The following PTPRD variants were observed in gnomAD, a reference collection of about 807,000 sequenced individuals.
PTPRD encodes protein tyrosine phosphatase receptor type D.
A neutral mutation model predicts 214.5 loss-of-function variants in PTPRD; 34 were observed. The observed-to-expected ratio is 0.16, with a 90% CI of 0.12 to 0.21. PTPRD has a LOEUF of 0.21. Ranked by LOEUF, PTPRD falls within the 10% of genes least tolerant of loss-of-function variation. The probability of loss-of-function intolerance (pLI) is 1.00; values close to 1 mark genes in which losing one functional copy is unlikely to be tolerated. For synonymous variants in PTPRD, 1,128 were observed against 845.7 expected, an observed-to-expected ratio of 1.33 and a Z score of -5.79; for missense variants, 2,545 against 2,398.7, an observed-to-expected ratio of 1.06 and a Z score of -1.27.
At chr9:10,179,800 C>A (rs1035334095) in intron 3 of PTPRD, among the ~76,000 whole-genome samples, 3 of 152,030 alleles carry the variant, frequency 2.0e-5, no homozygotes, top group Admixed American at 6.6e-5. Context: ...GGCTAAACAG[C>A]CTACCCTCTT....
Position 9,140,101 on chromosome 9 carries a change from G to A in PTPRD, c.-143+43203C>T, listed in dbSNP as rs745521357. Among the ~76,000 whole-genome samples, 57 of 151,098 alleles carry A rather than the reference G, an allele frequency of 3.8e-4. 1 individual carries two copies. The highest frequency in any genetic ancestry group is 6.9e-4 in the Non-Finnish European group (47 of 67,872). The stretch of plus-strand genomic sequence containing the variant: ...ATGAGCAGTTTGTAAGACTGAAGAA[G>A]AGTCTAACATTTCTGGAATGAAGTT... On this transcript the variant is annotated intron_variant, in intron 10 of 45. Coordinates refer to ENST00000381196, the MANE Select transcript of PTPRD (RefSeq NM_002839.4).
intron 23 of PTPRD, among the ~76,000 whole-genome samples, chr9:8,503,793 C>G (rs564389550): frequency 1.3e-5 from 2 of 152,266 alleles, no homozygotes; most frequent in East Asian, 3.9e-4. Context: ...CTGAGCTTTT[C>G]TTAGTAGAAA....
At chr9:9,353,367 C>A (rs757048294) in intron 9 of PTPRD, among the ~76,000 whole-genome samples, 1 of 151,750 alleles carries the variant, frequency 6.6e-6, no homozygotes, top group Non-Finnish European at 1.5e-5. Flanking sequence ...AATTTTATAA[C>A]AGGAATAAAT....
intron 2 of PTPRD, among the ~76,000 whole-genome samples, chr9:10,344,236 T>C (rs866809484): frequency 1.8e-4 from 27 of 152,162 alleles, no homozygotes; most frequent in South Asian, 8.3e-4. Flanking sequence ...CAGTTTCATC[T>C]TTCTACATAT....
intron 39 of PTPRD, among the ~76,000 whole-genome samples, chr9:8,346,122 C>T (rs1857377071): frequency 6.6e-6 from 1 of 152,066 alleles, no homozygotes; most frequent in Admixed American, 6.6e-5. Context: ...CTCCTTGACA[C>T]TCAGGTTTAA....
Position 9,161,165 on chromosome 9 carries a change from G to A in PTPRD, c.-143+22139C>T, listed in dbSNP as rs112310954. Among the ~76,000 whole-genome samples, 280 of 152,160 alleles carry A rather than the reference G, an allele frequency of 1.8e-3. 1 individual carries two copies. Among genetic ancestry groups the A allele is most frequent in the African/African-American group, 6.3e-3 (263 of 41,518 alleles). On this transcript the variant is annotated intron_variant, in intron 10 of 45. Coordinates refer to ENST00000381196, the MANE Select transcript of PTPRD (RefSeq NM_002839.4). ...TGACTATAGTCAATCATGATGTATT[G>A]TATATTTCAGAATAAGTAAATTTCA...
At chr9:9,574,169 T>G (rs968083167) in intron 8 of PTPRD, among the ~76,000 whole-genome samples, 1 of 151,920 alleles carries the variant, frequency 6.6e-6, no homozygotes, top group African/African-American at 2.4e-5. Flanking sequence ...ATAATCCAGA[T>G]TCACATTTTT....
intron 39 of PTPRD, among the ~76,000 whole-genome samples, chr9:8,364,604 C>T (rs2079323564): frequency 6.6e-6 from 1 of 152,144 alleles, no homozygotes; most frequent in Non-Finnish European, 1.5e-5. Flanking sequence ...AGAGCAGGGC[C>T]TGCCAAGACA....
At chr9:9,742,210 A>C (rs1213351204) in intron 6 of PTPRD, among the ~76,000 whole-genome samples, 1 of 152,164 alleles carries the variant, frequency 6.6e-6, no homozygotes, top group Non-Finnish European at 1.5e-5. Flanking sequence ...TCTTTTGAGA[A>C]GTGTCTGTTC....
rs563245739 is a variant in PTPRD at position 9,690,016 on chromosome 9, T to A, written c.-287+44517A>T. On this transcript the variant is annotated intron_variant, in intron 7 of 45. Transcript: ENST00000381196. ...GATGTATATCCAGTTATCGGCTCCA[T>A]ATACTGGGTTATATAGCAGTTCTAT... Among the ~76,000 whole-genome samples, 6 of 151,964 alleles carry A rather than the reference T, an allele frequency of 3.9e-5. No homozygotes were observed. The East Asian group carries it at 1.2e-3, about 29-fold the overall frequency.
intron 5 of PTPRD, among the ~76,000 whole-genome samples, chr9:9,897,425 A>T (rs1239440515): frequency 6.6e-6 from 1 of 152,100 alleles, no homozygotes; most frequent in Non-Finnish European, 1.5e-5. Flanking sequence ...TACATATTTG[A>T]GGGAAAGTTG....
At chr9:10,593,213 G>GA (rs1216759375) in intron 2 of PTPRD, among the ~76,000 whole-genome samples, 2 of 151,956 alleles carry the variant, frequency 1.3e-5, no homozygotes, top group African/African-American at 4.8e-5. Context: ...AACACCTGGG[G>GA]ATCTTGTTAA....
At chr9:9,481,858 G>T (rs1398103307) in intron 8 of PTPRD, among the ~76,000 whole-genome samples, 1 of 152,094 alleles carries the variant, frequency 6.6e-6, no homozygotes, top group Non-Finnish European at 1.5e-5. Flanking sequence ...GTTATCTAAA[G>T]AAATACTTTT....
At chr9:8,401,810 C>G (rs919998850) in intron 36 of PTPRD, among the ~76,000 whole-genome samples, 1 of 152,112 alleles carries the variant, frequency 6.6e-6, no homozygotes, top group African/African-American at 2.4e-5. Flanking sequence ...TAAGGAGTAA[C>G]TAGCACCACT....
At chr9:9,696,273 C>T (rs975211515) in intron 7 of PTPRD, among the ~76,000 whole-genome samples, 6 of 152,110 alleles carry the variant, frequency 3.9e-5, no homozygotes, top group Non-Finnish European at 8.8e-5. Context: ...AATGTGTATT[C>T]TGCAGCAATT....
intron 3 of PTPRD, among the ~76,000 whole-genome samples, chr9:10,179,630 T>C (rs1291235119): frequency 6.6e-6 from 1 of 152,088 alleles, no homozygotes; most frequent in Non-Finnish European, 1.5e-5. Context: ...TATAGGTTTA[T>C]TGCATGCAAT....
chr9:9,209,493 GTTAA>G (rs988394169), intron 9 of PTPRD, among the ~76,000 whole-genome samples: 1 of 152,158 alleles, frequency 6.6e-6, no homozygotes. Flanking sequence ...AAGAGTTATT[GTTAA>G]TTAATGTTGG....
chr9:10,286,274 C>G (rs2095350234), intron 3 of PTPRD, among the ~76,000 whole-genome samples: 1 of 152,014 alleles, frequency 6.6e-6, no homozygotes, highest in South Asian at 2.1e-4. Context: ...AACCCCGTCT[C>G]TACAAAAAAA....
chr9:9,489,507 G>A (rs1589721697), intron 8 of PTPRD, among the ~76,000 whole-genome samples: 1 of 152,086 alleles, frequency 6.6e-6, no homozygotes, highest in Admixed American at 6.6e-5. Flanking sequence ...AAAAGAAGAT[G>A]GGGAGAAAGT....
Sources: gnomAD v4.1 joint callset for allele counts (sites outside exome capture counted in the v4.1 genomes callset) on GRCh38, gnomAD v4.1.1 for gene constraint, MANE v1.5 for transcripts, NCBI Gene and HGNC (gene_info 2026-07-23, HGNC 2026-07-21) for gene names.